The following LDAH variants were observed in gnomAD, a reference collection of about 807,000 sequenced individuals.
The protein encoded by LDAH is lipid droplet associated hydrolase.
Under a neutral mutation model 29.6 loss-of-function variants are expected in LDAH, and 26 were observed. That is an observed-to-expected ratio of 0.88 (90% CI 0.64 to 1.22). LDAH has a LOEUF of 1.22. Among genes scored for constraint, LDAH ranks in the 50% most tolerant of loss-of-function variants. The probability of loss-of-function intolerance (pLI) is 0.00; values close to 1 mark genes in which losing one functional copy is unlikely to be tolerated. For synonymous variants in LDAH, 117 were observed against 133.0 expected (o/e 0.88, Z 0.83); for missense variants, 344 against 387.3 (o/e 0.89, Z 0.94).
Position 20,686,815 on chromosome 2 carries a change from A to G in LDAH, c.*88T>C. 2.5e-6 allele frequency: 3 copies of G among 1,181,420 alleles called. No homozygotes were observed. The South Asian group carries it at 4.7e-5, about 18-fold the overall frequency. The allele number at this position is 1,181,420 out of a possible 1,614,324, so 73.2% of individuals were successfully genotyped here. On this transcript the variant is annotated 3_prime_UTR_variant, in exon 7 of 7. Coordinates refer to ENST00000237822, the MANE Select transcript of LDAH (RefSeq NM_021925.4). ...TCTCACTTTCTTCATTTCTAATATC[A>G]GTCTTCAAAATTAAACATTTACCTA...
At chr2:20,788,926 G>A (rs1316881813) in intron 3 of LDAH, 6 of 476,820 alleles carry the variant, frequency 1.3e-5, no homozygotes, top group Non-Finnish European at 1.8e-5. Context: ...AGATTTAAAG[G>A]AGGTAGTTTG....
At chr2:20,795,266 T>C (rs1187595860) in intron 2 of LDAH, among the ~76,000 whole-genome samples, 2 of 152,220 alleles carry the variant, frequency 1.3e-5, no homozygotes, top group African/African-American at 2.4e-5. Flanking sequence ...GCTGCAAGTA[T>C]AGACTTATAC....
At chr2:20,820,183 T>C (rs1220665596) in intron 1 of LDAH, among the ~76,000 whole-genome samples, 2 of 152,030 alleles carry the variant, frequency 1.3e-5, no homozygotes, top group African/African-American at 4.8e-5. Context: ...AAAATGGCCA[T>C]ACTGCCCAAG....
intron 4 of LDAH, among the ~76,000 whole-genome samples, chr2:20,767,117 G>A (rs1669095147): frequency 6.6e-6 from 1 of 152,162 alleles, no homozygotes; most frequent in Non-Finnish European, 1.5e-5. Flanking sequence ...TGGAGATGTT[G>A]CCCCTACCCT....
chr2:20,812,958 GA>G (rs1359767591), intron 1 of LDAH, among the ~76,000 whole-genome samples: 1 of 152,264 alleles, frequency 6.6e-6, no homozygotes, highest in Admixed American at 6.5e-5. Context: ...AAATATGTGA[GA>G]AAATTGATTC....
chr2:20,767,511 T>C (rs1669123453), intron 4 of LDAH, among the ~76,000 whole-genome samples: 1 of 151,960 alleles, frequency 6.6e-6, no homozygotes. Context: ...TGAGGGGAAA[T>C]TGAGGGGGTG....
At position 20,696,612 on chromosome 2, in the gene LDAH, C is replaced by T. The variant is rs139072015; in HGVS notation, c.786+4958G>A. On this transcript the variant is annotated intron_variant, in intron 6 of 6. Transcript: ENST00000237822. Reference sequence around the variant, plus strand: ...GGTCATGGCAGTTTAGAATTCCCCCCCTAAGTGGGTTTGAAATGAAAACTT... The same window carrying T: ...GGTCATGGCAGTTTAGAATTCCCCCTCTAAGTGGGTTTGAAATGAAAACTT... Among the ~76,000 whole-genome samples the T allele has an allele frequency of 4.9e-4, 75 of 152,262 alleles. 1 individual carries two copies. Among genetic ancestry groups the T allele is most frequent in the Admixed American group, 3.9e-3 (60 of 15,290 alleles).
intron 1 of LDAH, among the ~76,000 whole-genome samples, chr2:20,819,379 A>C (rs979449624): frequency 1.3e-5 from 2 of 152,206 alleles, no homozygotes; most frequent in African/African-American, 4.8e-5. Flanking sequence ...CTTCAGAATT[A>C]AGTGCTCAAT....
rs565908227 is a variant in LDAH at position 20,753,417 on chromosome 2, T to A, written c.469-13212A>T. On this transcript the variant is annotated intron_variant, in intron 4 of 6. Transcript: ENST00000237822. ...AATAATCTCCATGGAAATACAACTA[T>A]CACTGGCTGATGGGATACATTTTCA... is the stretch of plus-strand genomic sequence containing the variant. Among the ~76,000 whole-genome samples the A allele has an allele frequency of 2.2e-3, 332 of 152,338 alleles. 3 individuals carry two copies. The highest frequency in any genetic ancestry group is 7.6e-3 in the African/African-American group (315 of 41,578).
At chr2:20,805,730 T>C (rs913269247) in intron 1 of LDAH, among the ~76,000 whole-genome samples, 1 of 152,124 alleles carries the variant, frequency 6.6e-6, no homozygotes, top group African/African-American at 2.4e-5. Flanking sequence ...AGAGGGTTTT[T>C]TCCAATTAAA....
At chr2:20,807,204 C>A (rs1310988935) in intron 1 of LDAH, among the ~76,000 whole-genome samples, 1 of 151,800 alleles carries the variant, frequency 6.6e-6, no homozygotes, top group Non-Finnish European at 1.5e-5. Context: ...AAACCAAACC[C>A]AACAGATACA....
intron 5 of LDAH, among the ~76,000 whole-genome samples, chr2:20,714,511 A>T (rs1165552243): frequency 6.6e-6 from 1 of 152,238 alleles, no homozygotes; most frequent in Non-Finnish European, 1.5e-5. Flanking sequence ...AGCTAGCAGA[A>T]GGCAAGAAAT....
chr2:20,738,900 T>C (rs1466872437), intron 5 of LDAH, among the ~76,000 whole-genome samples: 1 of 152,232 alleles, frequency 6.6e-6, no homozygotes, highest in Non-Finnish European at 1.5e-5. Context: ...TTCTAGTTCA[T>C]TAGGCATGTG....
chr2:20,804,605 G>A (rs537111959), intron 1 of LDAH, among the ~76,000 whole-genome samples: 2 of 152,002 alleles, frequency 1.3e-5, no homozygotes, highest in Non-Finnish European at 2.9e-5. Flanking sequence ...TATAATTTAT[G>A]CATTTCTTTT....
chr2:20,695,598 C>T (rs761869931), intron 6 of LDAH, among the ~76,000 whole-genome samples: 1 of 151,954 alleles, frequency 6.6e-6, no homozygotes, highest in Non-Finnish European at 1.5e-5. Flanking sequence ...TATAGGCATG[C>T]ACCACCATGC....
intron 5 of LDAH, among the ~76,000 whole-genome samples, chr2:20,734,538 G>A (rs1558424600): frequency 6.6e-6 from 1 of 152,108 alleles, no homozygotes; most frequent in Non-Finnish European, 1.5e-5. Flanking sequence ...TTCAAGTAAA[G>A]TGTAGAAACC....
Position 20,684,900 on chromosome 2 carries a change from T to C in LDAH, c.*2003A>G. On this transcript the variant is annotated 3_prime_UTR_variant, in exon 7 of 7. Coordinates refer to ENST00000237822, the MANE Select transcript of LDAH (RefSeq NM_021925.4). ...CCTAATGAAACAGAATGAACTTCAG[T>C]CTCTTGAAATCTGATTCTTCCACCT... The C allele has an allele frequency of 6.5e-7, 1 of 1,549,796 alleles. No individual in the cohort carries two copies. The highest frequency in any genetic ancestry group is 1.4e-5 in the African/African-American group (1 of 73,112).
At chr2:20,728,782 T>C (rs1477469484) in intron 5 of LDAH, among the ~76,000 whole-genome samples, 1 of 151,928 alleles carries the variant, frequency 6.6e-6, no homozygotes, top group Non-Finnish European at 1.5e-5. Flanking sequence ...CATTTTCCTT[T>C]ACCCAAGGTT....
intron 4 of LDAH, among the ~76,000 whole-genome samples, chr2:20,755,883 G>T (rs183931970): frequency 2.8e-4 from 43 of 152,220 alleles, no homozygotes; most frequent in Admixed American, 2.7e-3. Context: ...TTTCTGAAGA[G>T]ACTTAATGGC....
Sources: allele counts gnomAD v4.1 joint callset (sites outside exome capture counted in the v4.1 genomes callset), GRCh38; gene constraint gnomAD v4.1.1; transcripts MANE v1.5; gene names NCBI Gene and HGNC (gene_info 2026-07-23, HGNC 2026-07-21).